USP12: variants seen among roughly 807,000 people sequenced by gnomAD.
USP12 encodes ubiquitin carboxyl-terminal hydrolase 12.
In USP12, 19 loss-of-function variants were observed where a neutral mutation model predicts 45.5. The ratio of observed to expected loss-of-function variants is 0.42; its 90% CI spans 0.29 to 0.61. The LOEUF (loss-of-function observed/expected upper bound fraction) is 0.61. Among genes scored for constraint, USP12 ranks in the 20% least tolerant of loss-of-function variants. The pLI is 0.22. For missense variants in USP12, 242 were observed against 447.7 expected, an observed-to-expected ratio of 0.54 and a Z score of 4.15; for synonymous variants, 149 against 148.8, an observed-to-expected ratio of 1.00 and a Z score of -0.01.
At chr13:27,096,268 G>A (rs967616868) in intron 3 of USP12, among the ~76,000 whole-genome samples, 9 of 152,178 alleles carry the variant, frequency 5.9e-5, no homozygotes, top group African/African-American at 9.7e-5. Flanking sequence ...ATACATCCCA[G>A]GGATTCTGAT....
chr13:27,163,768 T>TAAA (rs34384911), intron 1 of USP12, among the ~76,000 whole-genome samples: 23,312 of 80,864 alleles, frequency 0.29, 2,822 homozygotes, highest in Non-Finnish European at 0.4. Context: ...AGACCTGTCT[T>TAAA]AAAAAAAAAA....
chr13:27,088,226 C>CTGG, intron 6 of USP12, among the ~76,000 whole-genome samples: 1 of 152,062 alleles, frequency 6.6e-6, no homozygotes, highest in Admixed American at 6.5e-5. Flanking sequence ...CAAGACCATC[C>CTGG]CAACACAGTG....
intron 1 of USP12, among the ~76,000 whole-genome samples, chr13:27,165,928 A>T (rs1475759699): frequency 6.6e-6 from 1 of 152,058 alleles, no homozygotes; most frequent in Admixed American, 6.6e-5. Flanking sequence ...AGCAAAAAAA[A>T]TAATAATAAT....
intron 7 of USP12, among the ~76,000 whole-genome samples, chr13:27,074,457 A>C (rs1873388482): frequency 6.6e-6 from 1 of 152,206 alleles, no homozygotes; most frequent in Non-Finnish European, 1.5e-5. Context: ...AAGATGAGAA[A>C]GCTGTAACTT....
At chr13:27,109,656 G>A (rs1416473107) in intron 2 of USP12, among the ~76,000 whole-genome samples, 2 of 152,112 alleles carry the variant, frequency 1.3e-5, no homozygotes, top group Non-Finnish European at 2.9e-5. Context: ...AGTGGCTCAA[G>A]CCTGTAATCC....
intron 1 of USP12, among the ~76,000 whole-genome samples, chr13:27,160,919 T>C (rs73159791): frequency 0.036 from 5,516 of 152,078 alleles, 125 homozygotes; most frequent in Non-Finnish European, 0.052. Flanking sequence ...CCAGCATCCA[T>C]CAGCTCTTCT....
chr13:27,075,405 T>C lies in USP12; in HGVS notation c.735-17A>G, dbSNP rs1453912717. ...ACTTTCATCCTATTAAAAATAAAAA[T>C]GAAAACAAAATTTCATAAAAGATAT... On this transcript the variant is annotated splice_polypyrimidine_tract_variant and intron_variant, in intron 6 of 8. Coordinates refer to ENST00000282344, the MANE Select transcript of USP12 (RefSeq NM_182488.4). The C allele has an allele frequency of 2.5e-6, 4 of 1,592,338 alleles. No homozygotes were observed. The highest frequency in any genetic ancestry group is 3.4e-6 in the Non-Finnish European group (4 of 1,167,686).
At position 27,069,674 on chromosome 13, in the gene USP12, A is replaced by G. The variant is rs1344196878; in HGVS notation, c.1012-290T>C. On this transcript the variant is annotated intron_variant, in intron 8 of 8. Transcript: ENST00000282344. The stretch of plus-strand genomic sequence containing the variant: ...CAAAATGGTAACTTCTAGGCTGGGC[A>G]CACTGACTCACGCCTGTAATCCCAG... 2.6e-5 allele frequency among the ~76,000 whole-genome samples: 4 copies of G among 152,314 alleles called. No individual in the cohort carries two copies. The East Asian group carries it at 7.7e-4, about 29-fold the overall frequency.
intron 6 of USP12, among the ~76,000 whole-genome samples, chr13:27,082,065 A>T (rs1209156489): frequency 1.3e-5 from 2 of 152,236 alleles, no homozygotes; most frequent in Admixed American, 6.5e-5. Context: ...AAAAGTCACC[A>T]GCTGCATTAA....
chr13:27,085,185 T>C (rs559368522), intron 6 of USP12, among the ~76,000 whole-genome samples: 44 of 152,124 alleles, frequency 2.9e-4, no homozygotes, highest in African/African-American at 1.0e-3. Flanking sequence ...TCTTTCTTTT[T>C]TTTTTGAGAT....
rs1873041922 is a variant in USP12 at position 27,067,321 on chromosome 13, G to C, written c.*1962C>G. On this transcript the variant is annotated 3_prime_UTR_variant, in exon 9 of 9. Transcript: ENST00000282344. Reference sequence around the variant, plus strand: ...ACAGCTTTAATTCCAAGACAATTTGGTTTAAGCCTTCAAAATAAAAAGAGT... The same window carrying C: ...ACAGCTTTAATTCCAAGACAATTTGCTTTAAGCCTTCAAAATAAAAAGAGT... 1 of 151,844 alleles carries C rather than the reference G, an allele frequency of 6.6e-6. No individual in the cohort carries two copies. Among genetic ancestry groups the C allele is most frequent in the African/African-American group, 2.4e-5 (1 of 41,316 alleles). 9.4% of individuals were successfully genotyped at this position (151,844 alleles called of 1,614,324 possible).
In USP12 at chr13:27,126,135, G is replaced by A. The variant is rs569639994; in HGVS notation, c.49-9539C>T. Among the ~76,000 whole-genome samples, 16 of 152,358 alleles carry A rather than the reference G, an allele frequency of 1.1e-4. No homozygotes were observed. In the South Asian group the frequency reaches 3.1e-3, roughly 30 times the overall value. On this transcript the variant is annotated intron_variant, in intron 1 of 8. Transcript: ENST00000282344. ...AGACCAGTGGTTCTCCCAGCATGGTGTTTCGAGCTCTGATAACAGACAGAC... is the reference window on the plus strand; with the variant it reads ...AGACCAGTGGTTCTCCCAGCATGGTATTTCGAGCTCTGATAACAGACAGAC...
At chr13:27,133,650 C>T (rs1053110547) in intron 1 of USP12, among the ~76,000 whole-genome samples, 1 of 148,496 alleles carries the variant, frequency 6.7e-6, no homozygotes, top group African/African-American at 2.5e-5. Context: ...AAAAAAAATT[C>T]TACAATAATG....
intron 1 of USP12, among the ~76,000 whole-genome samples, chr13:27,125,637 G>A (rs1027016425): frequency 2.0e-5 from 3 of 152,226 alleles, no homozygotes; most frequent in Non-Finnish European, 2.9e-5. Context: ...GAGGGTGAGC[G>A]GAAGCAGGGT....
At chr13:27,143,536 G>A (rs971160797) in intron 1 of USP12, among the ~76,000 whole-genome samples, 2 of 152,214 alleles carry the variant, frequency 1.3e-5, no homozygotes, top group South Asian at 4.1e-4. Context: ...ATCAATGGGT[G>A]TGCTGGAGAA....
chr13:27,122,351 C>G (rs1418279783), intron 1 of USP12, among the ~76,000 whole-genome samples: 1 of 152,174 alleles, frequency 6.6e-6, no homozygotes, highest in Admixed American at 6.6e-5. Flanking sequence ...GTAAGAAGTG[C>G]CTTTCACCTC....
chr13:27,159,711 C>A (rs1229597288), intron 1 of USP12, among the ~76,000 whole-genome samples: 1 of 152,192 alleles, frequency 6.6e-6, no homozygotes, highest in Non-Finnish European at 1.5e-5. Context: ...AATAGCATCA[C>A]CAAGTAGCCA....
intron 1 of USP12, among the ~76,000 whole-genome samples, chr13:27,161,998 C>T (rs1222432750): frequency 2.6e-5 from 4 of 152,186 alleles, no homozygotes. Context: ...TTAAAATACT[C>T]ATTTTCAAAC....
At chr13:27,143,606 T>G (rs879326230) in intron 1 of USP12, among the ~76,000 whole-genome samples, 1 of 152,174 alleles carries the variant, frequency 6.6e-6, no homozygotes, top group Admixed American at 6.5e-5. Context: ...AAGTGAAATA[T>G]TTCCCTTATG....
Sources: allele counts gnomAD v4.1 joint callset (sites outside exome capture counted in the v4.1 genomes callset), GRCh38; gene constraint gnomAD v4.1.1; transcripts MANE v1.5; gene names NCBI Gene and HGNC (gene_info 2026-07-23, HGNC 2026-07-21).